MMACHC: variants seen among roughly 807,000 people sequenced by gnomAD.
MMACHC encodes the protein metabolism of cobalamin associated C, also known as cyanocobalamin reductase / alkylcobalamin dealkylase.
MMACHC carries 14 observed loss-of-function variants against 17.6 expected under a neutral mutation model. The ratio of observed to expected loss-of-function variants is 0.80; its 90% CI spans 0.53 to 1.25. The LOEUF (loss-of-function observed/expected upper bound fraction) is 1.25. MMACHC is among the 50% of genes most tolerant of loss of function. The pLI, the probability that MMACHC is intolerant of heterozygous loss-of-function variation, is 0.00. For synonymous variants in MMACHC, 151 were observed against 142.1 expected (o/e 1.06, Z -0.45); for missense variants, 392 against 364.5 (o/e 1.08, Z -0.62).
chr1:45,500,377 G>C lies in MMACHC; in HGVS notation c.45G>C (p.Thr15=), dbSNP rs750623781. 1 of 1,614,190 alleles carries C rather than the reference G, an allele frequency of 6.2e-7. No individual in the cohort carries two copies. Among genetic ancestry groups the C allele is most frequent in the East Asian group, 2.2e-5 (1 of 44,886 alleles). ...VAELKQKIED[T]LCPFGFEVYP... ...AGCTGAAGCAGAAGATCGAGGACAC[G>C]CTATGTCCTTTTGGCTTCGAGGTTT... The change falls in exon 1 of 4, where the codon ACG becomes ACC. Residue 15 remains threonine (T), a synonymous_variant. Coordinates refer to ENST00000401061, the MANE Select transcript of MMACHC (RefSeq NM_015506.3).
chr1:45,511,284 TCTC>T lies in MMACHC; in HGVS notation c.*2070_*2072del. On this transcript the variant is annotated 3_prime_UTR_variant, in exon 4 of 4. Transcript: ENST00000401061. ...AAAAAAAATACAGAAGAGGTTTTGTTCTCATGGCTGCCCACCGCAGCCTGGCAC... is the reference window on the plus strand; with the variant it reads ...AAAAAAAATACAGAAGAGGTTTTGTTATGGCTGCCCACCGCAGCCTGGCAC... 2 of 1,470,732 alleles carry T rather than the reference TCTC, an allele frequency of 1.4e-6. No individual in the cohort carries two copies. The highest frequency in any genetic ancestry group is 2.1e-5 in the Admixed American group (1 of 47,268). The allele number at this position is 1,470,732 out of a possible 1,614,324, so 91.1% of individuals were successfully genotyped here.
chr1:45,507,570 C>T lies in MMACHC; in HGVS notation c.276+20C>T, dbSNP rs766128343. On this transcript the variant is annotated intron_variant, in intron 2 of 3. Coordinates refer to ENST00000401061, the MANE Select transcript of MMACHC (RefSeq NM_015506.3). ...AGAGAGGTGAGGAAGGCTCAGTTTT[C>T]CCCCAGCTCCCAAACCTACAGCTGC... The T allele has an allele frequency of 5.6e-6, 9 of 1,613,274 alleles. No homozygotes were observed. Among genetic ancestry groups the T allele is most frequent in the Non-Finnish European group, 4.2e-6 (5 of 1,179,558 alleles).
intron 1 of MMACHC, among the ~76,000 whole-genome samples, chr1:45,502,322 T>G (rs1430145862): frequency 6.6e-6 from 1 of 152,110 alleles, no homozygotes; most frequent in East Asian, 1.9e-4. Flanking sequence ...CCGGCCGGAG[T>G]GCAGTGGTGC....
chr1:45,508,750 G>A, intron 3 of MMACHC, 46 bp from the exon 4 acceptor site: 1 of 1,590,764 alleles, frequency 6.3e-7, no homozygotes, highest in Non-Finnish European at 8.6e-7. Context: ...TTGACTTGGT[G>A]CCAAGGGGAC....
intron 1 of MMACHC, among the ~76,000 whole-genome samples, chr1:45,505,786 C>T (rs944260062): frequency 2.6e-5 from 4 of 151,940 alleles, no homozygotes; most frequent in African/African-American, 9.7e-5. Flanking sequence ...CCTGTAGTCC[C>T]AGCTACTCAG....
chr1:45,508,723 G>C (rs942655077), intron 3 of MMACHC, 73 bp from the exon 4 acceptor site: 4 of 1,524,860 alleles, frequency 2.6e-6, no homozygotes, highest in African/African-American at 2.7e-5. Context: ...AACAGGCCTA[G>C]CTTGCAATGA....
rs1643780505 is a variant in MMACHC, at chr1:45,512,866, C to T, written c.*3651C>T. 1 of 152,210 alleles carries T rather than the reference C, an allele frequency of 6.6e-6. No individual in the cohort carries two copies. Among genetic ancestry groups the T allele is most frequent in the South Asian group, 2.1e-4 (1 of 4,830 alleles). 9.4% of individuals were successfully genotyped at this position (152,210 alleles called of 1,614,324 possible). A position where few individuals can be genotyped will look rare whatever the true frequency, so the allele number is the denominator to read the frequency against. ...TCTGCAAAGGGTACCTCTTGGTTAT[C>T]AGTGCTCACTGATCCCTATATAATC... On this transcript the variant is annotated 3_prime_UTR_variant, in exon 4 of 4. Transcript: ENST00000401061.
Position 45,507,537 on chromosome 1 carries a change from G to C in MMACHC, c.263G>C (p.Gly88Ala). 6.2e-7 allele frequency: 1 copy of C among 1,614,178 alleles called. No homozygotes were observed. The highest frequency in any genetic ancestry group is 8.5e-7 in the Non-Finnish European group (1 of 1,180,036). The part of the protein sequence containing the change: ...PVDQCVAYHL[G>A]RVRESLPELQ... ...GACCAGTGTGTGGCCTACCATCTGG[G>C]CCGTGTTAGAGAGGTGAGGAAGGCT... The change falls in exon 2 of 4, where the codon GGC (glycine) becomes GCC (alanine). Residue 88 changes from glycine to alanine, a missense_variant. Transcript: ENST00000401061.
chr1:45,502,863 C>G (rs1424732604), intron 1 of MMACHC, among the ~76,000 whole-genome samples: 1 of 152,046 alleles, frequency 6.6e-6, no homozygotes, highest in African/African-American at 2.4e-5. Context: ...TGCCAACATA[C>G]CCGGCTAATT....
Position 45,510,305 on chromosome 1 carries a change from T to G in MMACHC, c.*1090T>G, listed in dbSNP as rs1470287108. 1 of 151,958 alleles carries G rather than the reference T, an allele frequency of 6.6e-6. No individual in the cohort carries two copies. The highest frequency in any genetic ancestry group is 1.5e-5 in the Non-Finnish European group (1 of 67,996). 9.4% of individuals were successfully genotyped at this position (151,958 alleles called of 1,614,324 possible). A position where few individuals can be genotyped will look rare whatever the true frequency, so the allele number is the denominator to read the frequency against. On this transcript the variant is annotated 3_prime_UTR_variant, in exon 4 of 4. Transcript: ENST00000401061. ...TGGTATCACATGATACACAGAAGTA[T>G]CCTCAGTTCTGAATCTACCTTGGCC...
Position 45,508,969 on chromosome 1 carries a change from T to A in MMACHC, c.603T>A (p.Arg201=). The change falls in exon 4 of 4, where the codon CGT becomes CGA. Residue 201 remains arginine (R), a synonymous_variant. Coordinates refer to ENST00000401061, the MANE Select transcript of MMACHC (RefSeq NM_015506.3). ...ALLEGFNFHW[R]DWTYRDAVTP... is the part of the protein sequence containing the mutation. ...TCGAAGGCTTCAATTTCCACTGGCGTGATTGGACTTACCGGGATGCTGTGA... is the reference window on the plus strand; with the variant it reads ...TCGAAGGCTTCAATTTCCACTGGCGAGATTGGACTTACCGGGATGCTGTGA... 6.2e-7 allele frequency: 1 copy of A among 1,614,126 alleles called. No individual in the cohort carries two copies. Among genetic ancestry groups the A allele is most frequent in the Non-Finnish European group, 8.5e-7 (1 of 1,180,020 alleles).
chr1:45,506,783 G>C (rs1643627216), intron 1 of MMACHC, among the ~76,000 whole-genome samples: 1 of 151,812 alleles, frequency 6.6e-6, no homozygotes, highest in African/African-American at 2.4e-5. Flanking sequence ...CACCACACCT[G>C]GCGGGGTTTT....
chr1:45,512,188 C>T lies in MMACHC; in HGVS notation c.*2973C>T, dbSNP rs61788336. 0.23 allele frequency: 34,132 copies of T among 145,546 alleles called. 4,044 individuals carry two copies. The highest frequency in any genetic ancestry group is 0.33 in the East Asian group (1,561 of 4,756). The allele number at this position is 145,546 out of a possible 1,614,324, so 9.0% of individuals were successfully genotyped here. A position where few individuals can be genotyped will look rare whatever the true frequency, so the allele number is the denominator to read the frequency against. On this transcript the variant is annotated 3_prime_UTR_variant, in exon 4 of 4. Coordinates refer to ENST00000401061, the MANE Select transcript of MMACHC (RefSeq NM_015506.3). ...GCAACCTCGGTCTCCCGGGTTCAAG[C>T]GATTCTCCTGCATCAGCCTCCCAAA...
In MMACHC at chr1:45,512,220, G is replaced by C. The variant is rs1304904971; in HGVS notation, c.*3005G>C. The C allele has an allele frequency of 6.6e-6, 1 of 150,612 alleles. No homozygotes were observed. Among genetic ancestry groups the C allele is most frequent in the Non-Finnish European group, 1.5e-5 (1 of 67,634 alleles). 9.3% of individuals were successfully genotyped at this position (150,612 alleles called of 1,614,324 possible). ...CCTGCATCAGCCTCCCAAATAGCTA[G>C]GATTACAGGCGCCCACCACCACACC... On this transcript the variant is annotated 3_prime_UTR_variant, in exon 4 of 4. Transcript: ENST00000401061.
rs756647292 is a variant in MMACHC at position 45,509,174 on chromosome 1, C to G, written c.808C>G (p.Leu270Val). The stretch of plus-strand genomic sequence containing the variant: ...GAATCCCAGCAGAGCCCGGAGCTGG[C>G]TCAGCCCCAGGGTCTCACCACCTGC... ...PGNPSRARSW[L>V]SPRVSPPASP... is the part of the protein sequence containing the mutation. The change falls in exon 4 of 4, where the codon CTC (leucine) becomes GTC (valine). Residue 270 changes from leucine (L) to valine (V), a missense_variant. Coordinates refer to ENST00000401061, the MANE Select transcript of MMACHC (RefSeq NM_015506.3). The G allele has an allele frequency of 3.1e-6, 5 of 1,614,032 alleles. No individual in the cohort carries two copies. Among genetic ancestry groups the G allele is most frequent in the Non-Finnish European group, 4.2e-6 (5 of 1,179,986 alleles).
chr1:45,504,249 A>G (rs1397317120), intron 1 of MMACHC, among the ~76,000 whole-genome samples: 2 of 152,012 alleles, frequency 1.3e-5, no homozygotes, highest in African/African-American at 2.4e-5. Context: ...ACCCCATCTC[A>G]ACTAAAAATA....
At chr1:45,504,765 G>T (rs1266645652) in intron 1 of MMACHC, among the ~76,000 whole-genome samples, 1 of 152,062 alleles carries the variant, frequency 6.6e-6, no homozygotes, top group Non-Finnish European at 1.5e-5. Flanking sequence ...TCAAGTCAGA[G>T]GTTAAGTACG....
rs1257969158 is a variant in MMACHC at position 45,512,271 on chromosome 1, A to G, written c.*3056A>G. 6.8e-6 allele frequency: 1 copy of G among 147,738 alleles called. No individual in the cohort carries two copies. Among genetic ancestry groups the G allele is most frequent in the Non-Finnish European group, 1.5e-5 (1 of 66,616 alleles). 9.2% of individuals were successfully genotyped at this position (147,738 alleles called of 1,614,324 possible). On this transcript the variant is annotated 3_prime_UTR_variant, in exon 4 of 4. Coordinates refer to ENST00000401061, the MANE Select transcript of MMACHC (RefSeq NM_015506.3). Reference sequence around the variant, plus strand: ...TGGCTAATTTTTGAGACAGTCTCACATTGTCGCCCAGGCTGGAGTGCAGTG... The same window carrying G: ...TGGCTAATTTTTGAGACAGTCTCACGTTGTCGCCCAGGCTGGAGTGCAGTG...
chr1:45,508,808 G>A lies in MMACHC; in HGVS notation c.442G>A (p.Val148Met). 6.2e-7 allele frequency: 1 copy of A among 1,614,054 alleles called. No homozygotes were observed. The highest frequency in any genetic ancestry group is 8.5e-7 in the Non-Finnish European group (1 of 1,179,966). The change falls in exon 4 of 4, where the codon GTG becomes ATG. Residue 148 changes from valine (V) to methionine (M), a missense_variant. By Grantham distance (21) the Val-to-Met change is conservative. Coordinates refer to ENST00000401061, the MANE Select transcript of MMACHC (RefSeq NM_015506.3). ...ACCCTCTCCCCAGCGCATATCAGGT[G>A]TGTGCATACACCCCCGATTTGGGGG... ...DPWGNQRISG[V>M]CIHPRFGGWF... is the part of the protein sequence containing the mutation.
Sources: allele counts gnomAD v4.1 joint callset (sites outside exome capture counted in the v4.1 genomes callset), GRCh38; gene constraint gnomAD v4.1.1; transcripts MANE v1.5; gene names NCBI Gene and HGNC (gene_info 2026-07-23, HGNC 2026-07-21).